Variants in UTP14A observed in about 807,000 individuals in gnomAD.
UTP14A encodes the protein UTP14A small subunit processome component.
In UTP14A, 5 loss-of-function variants were observed where a neutral mutation model predicts 57.2. That is an observed-to-expected ratio of 0.09 (90% CI 0.05 to 0.18). The LOEUF (loss-of-function observed/expected upper bound fraction) is 0.18, where lower values mean the gene tolerates loss of function less well. Ranked by LOEUF, UTP14A falls within the 10% of genes least tolerant of loss-of-function variation. The pLI is 1.00. For synonymous variants in UTP14A, 169 were observed against 210.9 expected, an observed-to-expected ratio of 0.80 and a Z score of 1.72; for missense variants, 430 against 562.1, an observed-to-expected ratio of 0.76 and a Z score of 2.38.
chrX:129,909,206 C>CTTT (rs753147882), intron 4 of UTP14A, among the ~76,000 whole-genome samples: 31 of 84,398 alleles, frequency 3.7e-4, no homozygotes, highest in Non-Finnish European at 4.6e-4. Context: ...CCTTTCAAGC[C>CTTT]TTTTTTTTTT....
chrX:129,923,870 C>T (rs1022740824), intron 11 of UTP14A, among the ~76,000 whole-genome samples: 2 of 111,235 alleles, frequency 1.8e-5, no homozygotes, highest in Admixed American at 9.7e-5. Context: ...GCAGGGTTTA[C>T]TGCACGAGGA....
intron 10 of UTP14A, 139 bp from the exon 11 acceptor site, chrX:129,921,055 A>G: frequency 9.0e-7 from 1 of 1,108,657 alleles, no homozygotes; most frequent in Non-Finnish European, 1.2e-6. Flanking sequence ...AGCATTGTAT[A>G]TGCAGTTTAA....
intron 6 of UTP14A, 102 bp from the exon 7 acceptor site, chrX:129,919,073 A>G: frequency 8.7e-7 from 1 of 1,148,362 alleles, no homozygotes; most frequent in Non-Finnish European, 1.2e-6. Context: ...TCCACTTATG[A>G]TTCCAATTAT....
intron 4 of UTP14A, among the ~76,000 whole-genome samples, chrX:129,910,400 T>G (rs1433751969): frequency 1.8e-5 from 2 of 111,577 alleles, no homozygotes; most frequent in Non-Finnish European, 3.8e-5. Context: ...AAGATAATTT[T>G]GGGCTGGATA....
In UTP14A at chrX:129,921,578, G is replaced by A. The variant is rs748046320; in HGVS notation, c.1339G>A (p.Glu447Lys). The A allele has an allele frequency of 7.4e-6, 9 of 1,208,980 alleles. No homozygotes were observed. In the South Asian group the frequency reaches 1.4e-4, roughly 19 times the overall value. ...AGATGCTGAGCCAGCAGGCAGTCAAGAAACAAAAGGTGAGCTGTGATCAAA... is the reference window on the plus strand; with the variant it reads ...AGATGCTGAGCCAGCAGGCAGTCAAAAAACAAAAGGTGAGCTGTGATCAAA... ...SQDAEPAGSQ[E>K]TKDSGSQEVL... The change falls in exon 11 of 15, where the codon GAA becomes AAA. Residue 447 changes from glutamate (E) to lysine (K), a missense_variant. Glu to Lys is a moderately conservative substitution (Grantham distance 56). Coordinates refer to ENST00000394422, the MANE Select transcript of UTP14A (RefSeq NM_006649.4).
intron 2 of UTP14A, 43 bp from the exon 3 acceptor site, chrX:129,908,017 C>T: frequency 1.9e-6 from 2 of 1,071,621 alleles, no homozygotes; most frequent in African/African-American, 1.8e-5. Context: ...GTTGTCTTTT[C>T]CCTCCCCCTC....
At chrX:129,912,910 A>G (rs952665950) in intron 6 of UTP14A, among the ~76,000 whole-genome samples, 10 of 112,115 alleles carry the variant, frequency 8.9e-5, no homozygotes, top group African/African-American at 3.2e-4. Flanking sequence ...CTTTTCTTCT[A>G]TGAAATGATG....
chrX:129,923,841 C>T (rs759116607), intron 11 of UTP14A, among the ~76,000 whole-genome samples: 1 of 111,438 alleles, frequency 9.0e-6, no homozygotes, highest in South Asian at 3.7e-4. Flanking sequence ...AAATTTGGAA[C>T]TTGGGGCAAT....
rs1929900827 is a variant in UTP14A, at chrX:129,921,282, G to A, written c.1043G>A (p.Gly348Glu). 1 of 1,211,777 alleles carries A rather than the reference G, an allele frequency of 8.3e-7. No individual in the cohort carries two copies. Among genetic ancestry groups the A allele is most frequent in the East Asian group, 3.0e-5 (1 of 33,849 alleles). ...GCCTCTGAGAGTGAGGAAGAGGAGG[G>A]AGGCACAGAAGATGTGGAAGAACTC... ...QVASESEEEEGGTEDVEELLV... is the reference protein window; with the variant it reads ...QVASESEEEEEGTEDVEELLV... The change falls in exon 11 of 15, where the codon GGA (glycine) becomes GAA (glutamate). Residue 348 changes from glycine (G) to glutamate (E), a missense_variant. By Grantham distance (98) the Gly-to-Glu change is moderately conservative (BLOSUM62 -2). Transcript: ENST00000394422.
chrX:129,915,097 C>G (rs2124199277), intron 6 of UTP14A, among the ~76,000 whole-genome samples: 1 of 112,097 alleles, frequency 8.9e-6, no homozygotes, highest in East Asian at 2.8e-4. Flanking sequence ...TGCCTGTAAT[C>G]CCAGCTACTC....
In UTP14A at chrX:129,908,112, C is replaced by A. The variant is rs1210915581; in HGVS notation, c.155C>A (p.Ser52Tyr). The stretch of plus-strand genomic sequence containing the variant: ...CAAAAGCTTCTGGAAGCAATCAGTT[C>A]CCTTGATGGAAAGAATAGGTAACGT... ...KHQKLLEAIS[S>Y]LDGKNRRKLA... Residue 52 changes from serine to tyrosine, a missense_variant, in exon 3 of 15, where the codon TCC becomes TAC. By Grantham distance (144) the Ser-to-Tyr change is moderately radical. Coordinates refer to ENST00000394422, the MANE Select transcript of UTP14A (RefSeq NM_006649.4). 11 of 1,205,274 alleles carry A rather than the reference C, an allele frequency of 9.1e-6. No homozygotes were observed. The highest frequency in any genetic ancestry group is 1.1e-5 in the Non-Finnish European group (10 of 893,131).
intron 6 of UTP14A, among the ~76,000 whole-genome samples, chrX:129,918,794 G>C (rs927887890): frequency 9.1e-6 from 1 of 109,925 alleles, no homozygotes; most frequent in Non-Finnish European, 1.9e-5. Context: ...GGAGAATGGC[G>C]TGAACTCAGG....
Position 129,921,195 on chromosome X carries a change from C to G in UTP14A, c.956C>G (p.Ala319Gly). Residue 319 changes from alanine (A) to glycine (G), a missense_variant and splice_region_variant, in exon 11 of 15, where the codon GCT becomes GGT. Physicochemically the swap from Ala to Gly is moderately conservative, Grantham distance 60 (BLOSUM62 0). Transcript: ENST00000394422. ...TCATGCTGTGACTCTTTCCTCCAGGCTCGCCAAGCTATGCAGGAACAGTTG... is the reference window on the plus strand; with the variant it reads ...TCATGCTGTGACTCTTTCCTCCAGGGTCGCCAAGCTATGCAGGAACAGTTG... The part of the protein sequence containing the change: ...KAIMAKYDLE[A>G]RQAMQEQLSK... 1.7e-6 allele frequency: 2 copies of G among 1,199,504 alleles called. No individual in the cohort carries two copies. The highest frequency in any genetic ancestry group is 2.2e-6 in the Non-Finnish European group (2 of 889,847).
intron 11 of UTP14A, chrX:129,923,108 G>A (rs1367999762): frequency 8.9e-6 from 1 of 112,458 alleles, no homozygotes; most frequent in Non-Finnish European, 1.9e-5. Context: ...ACGGACCCCA[G>A]TGAAAATGAG....
At chrX:129,918,461 G>A (rs1451220116) in intron 6 of UTP14A, among the ~76,000 whole-genome samples, 1 of 108,572 alleles carries the variant, frequency 9.2e-6, no homozygotes, top group Non-Finnish European at 1.9e-5. Context: ...GAAGGCTTAT[G>A]ATATGAATTT....
rs760705223 is a variant in UTP14A at position 129,906,253 on chromosome X, G to A, written c.26+17G>A. On this transcript the variant is annotated intron_variant, in intron 1 of 14. Transcript: ENST00000394422. ...TGCAGAGAGGTGAAGGGCAACGAGG[G>A]GAGGGGGGATTCTGGGTCTCGTTGG... 5 of 1,196,516 alleles carry A rather than the reference G, an allele frequency of 4.2e-6. No individual in the cohort carries two copies. The African/African-American group carries it at 8.9e-5, about 21-fold the overall frequency.
In UTP14A at chrX:129,919,286, C is replaced by G; in HGVS notation, c.649C>G (p.Leu217Val). 2.5e-6 allele frequency: 3 copies of G among 1,211,792 alleles called. No individual in the cohort carries two copies. The South Asian group carries it at 5.3e-5, about 21-fold the overall frequency. ...VEKASLRAMS[L>V]EEAKMRRAEL... ...AAAGGCCTCTCTCCGAGCCATGAGC[C>G]TAGAAGAGGTAAGTGTGTCATAGGC... Residue 217 changes from leucine (L) to valine (V), a missense_variant, in exon 7 of 15, where the codon CTA becomes GTA. Leu to Val is a conservative substitution (Grantham distance 32). This residue lies in a region of UTP14A where 145 missense variants were observed against 153.5 expected (regional missense o/e 0.94). Coordinates refer to ENST00000394422, the MANE Select transcript of UTP14A (RefSeq NM_006649.4).
At chrX:129,920,327 A>G (rs1929860167) in intron 8 of UTP14A, 130 bp from the exon 9 acceptor site, 4 of 956,327 alleles carry the variant, frequency 4.2e-6, no homozygotes, top group South Asian at 4.4e-5. Context: ...CTGACTCCCT[A>G]TAGCCAACTA....
chrX:129,913,660 A>G (rs1453358071), intron 6 of UTP14A, among the ~76,000 whole-genome samples: 2 of 112,228 alleles, frequency 1.8e-5, no homozygotes, highest in Non-Finnish European at 3.8e-5. Context: ...TCTTGGAGAT[A>G]GCAGGAAAAT....
Sources: gnomAD v4.1 joint callset for allele counts (sites outside exome capture counted in the v4.1 genomes callset) on GRCh38, gnomAD v4.1.1 for gene constraint, gnomAD v4.1.1 regional missense constraint, MANE v1.5 for transcripts, NCBI Gene and HGNC (gene_info 2026-07-23, HGNC 2026-07-21) for gene names.